APLP2: variants seen among roughly 807,000 people sequenced by gnomAD.
The protein encoded by APLP2 is CDEI box-binding protein.
A neutral mutation model predicts 89.9 loss-of-function variants in APLP2; 53 were observed. The observed-to-expected ratio is 0.59, with a 90% CI of 0.47 to 0.74. The LOEUF (loss-of-function observed/expected upper bound fraction) is 0.74. APLP2 is among the 30% of genes least tolerant of loss of function. The pLI is 0.00. For synonymous variants in APLP2, 372 were observed against 348.6 expected, an observed-to-expected ratio of 1.07 and a Z score of -0.75; for missense variants, 973 against 975.9, an observed-to-expected ratio of 1.00 and a Z score of 0.04.
intron 1 of APLP2, among the ~76,000 whole-genome samples, chr11:130,086,077 C>A (rs1213187051): frequency 6.6e-6 from 1 of 152,234 alleles, no homozygotes; most frequent in Non-Finnish European, 1.5e-5. Context: ...ACTGCTGGAT[C>A]ATATAGTAAT....
chr11:130,101,094 T>A (rs535555571), intron 1 of APLP2, among the ~76,000 whole-genome samples: 17 of 152,268 alleles, frequency 1.1e-4, no homozygotes, highest in Middle Eastern at 3.4e-3. Context: ...AGAATCGTGA[T>A]AGTCTTCCAA....
At position 130,144,656 on chromosome 11, in the gene APLP2, T is replaced by C. The variant is rs1252808953; in HGVS notation, c.*1208T>C. ...GTATTTTTATTTTCCTGTGACTGTT[T>C]TTGTTTTGTTTTTTTCCTTTTTCCT... On this transcript the variant is annotated 3_prime_UTR_variant, in exon 17 of 17. Transcript: ENST00000338167. 1 of 152,600 alleles carries C rather than the reference T, an allele frequency of 6.6e-6. No individual in the cohort carries two copies. Among genetic ancestry groups the C allele is most frequent in the Non-Finnish European group, 1.5e-5 (1 of 68,050 alleles). 9.5% of individuals were successfully genotyped at this position (152,600 alleles called of 1,614,324 possible).
chr11:130,111,396 A>C (rs1403557705), intron 3 of APLP2, among the ~76,000 whole-genome samples: 1 of 152,194 alleles, frequency 6.6e-6, no homozygotes, highest in Non-Finnish European at 1.5e-5. Flanking sequence ...AAAAAAAATC[A>C]ATTTTAGATT....
chr11:130,085,216 G>A (rs1294526033), intron 1 of APLP2, among the ~76,000 whole-genome samples: 1 of 152,214 alleles, frequency 6.6e-6, no homozygotes, highest in Non-Finnish European at 1.5e-5. Context: ...TTGGGAGGCC[G>A]AGGTGGGTTG....
At position 130,143,745 on chromosome 11, in the gene APLP2, G is replaced by A. The variant is rs1296346615; in HGVS notation, c.*297G>A. The A allele has an allele frequency of 9.6e-6, 3 of 313,682 alleles. No individual in the cohort carries two copies. Among genetic ancestry groups the A allele is most frequent in the Non-Finnish European group, 1.2e-5 (2 of 164,504 alleles). The allele number at this position is 313,682 out of a possible 1,614,324, so 19.4% of individuals were successfully genotyped here. ...ATTAATCAGAAACCCCACTTCCATTGTATTGTCTGACACATGCTCTCAATA... is the reference window on the plus strand; with the variant it reads ...ATTAATCAGAAACCCCACTTCCATTATATTGTCTGACACATGCTCTCAATA... On this transcript the variant is annotated 3_prime_UTR_variant, in exon 17 of 17. Coordinates refer to ENST00000338167, the MANE Select transcript of APLP2 (RefSeq NM_001142276.2).
At chr11:130,106,616 G>A (rs1565574256) in intron 1 of APLP2, among the ~76,000 whole-genome samples, 1 of 152,098 alleles carries the variant, frequency 6.6e-6, no homozygotes, top group East Asian at 1.9e-4. Context: ...CATATGGGAT[G>A]CTTAAAGCGC....
intron 11 of APLP2, among the ~76,000 whole-genome samples, chr11:130,132,152 C>T (rs867329594): frequency 2.0e-5 from 3 of 152,162 alleles, no homozygotes; most frequent in South Asian, 2.1e-4. Context: ...ACACGGCTCC[C>T]GGTTCCTCTG....
rs572613200 is a variant in APLP2, at chr11:130,141,865, C to T, written c.1999-54C>T. ...GTGGCCCTCAGTGAGTTACTTGCCTCACGGCTGCCAGATGGTCACTGGGAC... is the reference window on the plus strand; with the variant it reads ...GTGGCCCTCAGTGAGTTACTTGCCTTACGGCTGCCAGATGGTCACTGGGAC... On this transcript the variant is annotated intron_variant, in intron 15 of 16. Transcript: ENST00000338167. The surrounding 1 kb of genome is among the most constrained non-coding windows in gnomAD (Gnocchi z 4.2). 56 of 1,560,050 alleles carry T rather than the reference C, an allele frequency of 3.6e-5. 1 individual carries two copies. In the South Asian group the frequency reaches 6.6e-4, roughly 18 times the overall value.
intron 1 of APLP2, among the ~76,000 whole-genome samples, chr11:130,105,685 C>T (rs1258225166): frequency 6.1e-5 from 9 of 146,512 alleles, no homozygotes; most frequent in African/African-American, 2.3e-4. Context: ...TCTCTCTCTC[C>T]CTGTCTTTCT....
intron 12 of APLP2, 79 bp downstream of exon 12, chr11:130,133,807 G>A: frequency 8.9e-7 from 1 of 1,127,578 alleles, no homozygotes; most frequent in East Asian, 2.4e-5. Context: ...CAAGAGTAGA[G>A]AGAGATGAGC....
chr11:130,118,374 C>T (rs532020343), intron 3 of APLP2, among the ~76,000 whole-genome samples: 1 of 152,230 alleles, frequency 6.6e-6, no homozygotes, highest in South Asian at 2.1e-4. Context: ...CTGTTCTAAG[C>T]TTTTCTTGTT....
chr11:130,122,861 A>G (rs1198225339), intron 6 of APLP2, among the ~76,000 whole-genome samples: 2 of 152,178 alleles, frequency 1.3e-5, no homozygotes, highest in Non-Finnish European at 2.9e-5. Context: ...CTGGCCTCCT[A>G]GAATAGAAAT....
intron 1 of APLP2, among the ~76,000 whole-genome samples, chr11:130,091,371 C>A (rs1945128016): frequency 6.8e-6 from 1 of 147,678 alleles, no homozygotes. Context: ...GGGGGGCCGA[C>A]CCCCCTACCT....
At chr11:130,122,762 G>T (rs185385605) in intron 6 of APLP2, among the ~76,000 whole-genome samples, 1 of 152,138 alleles carries the variant, frequency 6.6e-6, no homozygotes, top group Admixed American at 6.5e-5. Context: ...GAGAGACAAC[G>T]TAGTCCGCCC....
chr11:130,105,263 C>T (rs529854971), intron 1 of APLP2, among the ~76,000 whole-genome samples: 30 of 152,238 alleles, frequency 2.0e-4, no homozygotes, highest in African/African-American at 5.1e-4. Flanking sequence ...AATATAAATA[C>T]GTGTATACTG....
At chr11:130,136,575 G>C (rs946370405) in intron 13 of APLP2, among the ~76,000 whole-genome samples, 36 of 152,270 alleles carry the variant, frequency 2.4e-4, no homozygotes, top group African/African-American at 8.7e-4. Flanking sequence ...TATAGCACTG[G>C]AACAGAGGCC....
At chr11:130,128,706 C>T (rs1172381457) in intron 9 of APLP2, among the ~76,000 whole-genome samples, 3 of 152,208 alleles carry the variant, frequency 2.0e-5, no homozygotes, top group Non-Finnish European at 4.4e-5. Context: ...AAGTTAGTGC[C>T]TTGCTGCAAT....
At chr11:130,125,055 C>T (rs997556105) in intron 7 of APLP2, among the ~76,000 whole-genome samples, 4 of 152,068 alleles carry the variant, frequency 2.6e-5, no homozygotes, top group Admixed American at 1.3e-4. Context: ...CTCGGAGAAG[C>T]TTTGTGTTCA....
At chr11:130,070,779 G>A (rs1940870447) in intron 1 of APLP2, 1 of 1,373,518 alleles carries the variant, frequency 7.3e-7, no homozygotes, top group African/African-American at 1.5e-5. Flanking sequence ...GGGTTTCAGT[G>A]AGTAGGGAAG....
Sources: gnomAD v4.1 joint callset for allele counts (sites outside exome capture counted in the v4.1 genomes callset) on GRCh38, gnomAD v4.1.1 for gene constraint, Gnocchi (gnomAD v3.1) non-coding constraint, MANE v1.5 for transcripts, NCBI Gene and HGNC (gene_info 2026-07-23, HGNC 2026-07-21) for gene names.